ANKRD36: variants seen among roughly 807,000 people sequenced by gnomAD.
ANKRD36 encodes the protein ankyrin repeat domain 36.
A neutral mutation model predicts 278.1 loss-of-function variants in ANKRD36; 179 were observed. The ratio of observed to expected loss-of-function variants is 0.64; its 90% CI spans 0.57 to 0.73. ANKRD36 has a LOEUF of 0.73. ANKRD36 is among the 30% of genes least tolerant of loss of function. The pLI is 0.00. For missense variants in ANKRD36, 1,159 were observed against 1,956.7 expected, an observed-to-expected ratio of 0.59 and a Z score of 7.69; for synonymous variants, 320 against 641.1, an observed-to-expected ratio of 0.50 and a Z score of 7.57.
intron 46 of ANKRD36, 92 bp downstream of exon 46, chr2:97,200,617 A>G (rs1303803227): frequency 1.3e-6 from 2 of 1,511,932 alleles, no homozygotes; most frequent in Non-Finnish European, 1.8e-6. Flanking sequence ...TTGAAGCTGC[A>G]CGTTCTGATT....
In ANKRD36 at chr2:97,179,910, A is replaced by C; in HGVS notation, c.1712A>C (p.Lys571Thr). Residue 571 changes from lysine to threonine, a missense_variant, in exon 24 of 76, where the codon AAG becomes ACG. Lys to Thr is a moderately conservative substitution (Grantham distance 78, BLOSUM62 -1). Transcript: ENST00000420699. ...GTTTCAAATATAGCCACAGAAATAAAGGAGGGACCAATATCTGGGACAGGT... is the reference window on the plus strand; with the variant it reads ...GTTTCAAATATAGCCACAGAAATAACGGAGGGACCAATATCTGGGACAGGT... ...DSVSNIATEI[K>T]EGPISGTVSS... The C allele has an allele frequency of 6.2e-7, 1 of 1,605,952 alleles. No individual in the cohort carries two copies. The highest frequency in any genetic ancestry group is 1.1e-5 in the South Asian group (1 of 90,842).
rs752732322 is a variant in ANKRD36, at chr2:97,200,363, G to T, written c.2784+1G>T. The stretch of plus-strand genomic sequence containing the variant: ...TTCTCGGAAAAAACCATCCTTGGAG[G>T]TAATGAAACTCTCATTCATATTGTG... On this transcript the variant is annotated splice_donor_variant, in intron 45 of 75. Coordinates refer to ENST00000420699, the MANE Select transcript of ANKRD36 (RefSeq NM_001354587.1). LOFTEE classifies it high-confidence loss of function. The T allele has an allele frequency of 1.2e-6, 2 of 1,605,878 alleles. No individual in the cohort carries two copies. Among genetic ancestry groups the T allele is most frequent in the Admixed American group, 3.3e-5 (2 of 59,708 alleles).
intron 66 of ANKRD36, among the ~76,000 whole-genome samples, chr2:97,224,452 GTTTT>G (rs199810806): frequency 2.2e-5 from 3 of 137,978 alleles, no homozygotes; most frequent in African/African-American, 8.3e-5. Context: ...TTGTTTTTTT[GTTTT>G]TTTTTTTTTG....
chr2:97,151,380 C>G (rs555362196), intron 12 of ANKRD36, among the ~76,000 whole-genome samples: 2 of 152,028 alleles, frequency 1.3e-5, no homozygotes, highest in African/African-American at 2.4e-5. Flanking sequence ...GCTTTTGACA[C>G]GCTGAATAGA....
chr2:97,154,413 A>G lies in ANKRD36; in HGVS notation c.1194-262A>G, dbSNP rs535686423. Reference sequence around the variant, plus strand: ...ATTATAATGCCTGTCACTATTTGTTATGGGTTTAAGGGTGAGTCTGCATTG... The same window carrying G: ...ATTATAATGCCTGTCACTATTTGTTGTGGGTTTAAGGGTGAGTCTGCATTG... On this transcript the variant is annotated intron_variant, in intron 14 of 75. Transcript: ENST00000420699. Among the ~76,000 whole-genome samples, 8 of 148,036 alleles carry G rather than the reference A, an allele frequency of 5.4e-5. No individual in the cohort carries two copies. In the South Asian group the frequency reaches 1.5e-3, roughly 27 times the overall value.
At chr2:97,221,740 C>T (rs141178626) in intron 66 of ANKRD36, among the ~76,000 whole-genome samples, 4,001 of 149,718 alleles carry the variant, frequency 0.027, 135 homozygotes, top group African/African-American at 0.094. Context: ...CCTGTTCACT[C>T]GGATGGTAGT....
chr2:97,180,652 G>A (rs1575434022), intron 24 of ANKRD36, among the ~76,000 whole-genome samples: 1 of 151,628 alleles, frequency 6.6e-6, no homozygotes, highest in South Asian at 2.1e-4. Context: ...ATAAAAATGA[G>A]ATAAACTTGC....
chr2:97,158,467 T>C (rs1247705651), intron 16 of ANKRD36, 121 bp from the exon 17 acceptor site: 1 of 975,864 alleles, frequency 1.0e-6, no homozygotes, highest in African/African-American at 1.7e-5. Flanking sequence ...CCTCATATGA[T>C]CTGCCTGCAT....
chr2:97,262,925 C>G (rs1298602720), intron 75 of ANKRD36, among the ~76,000 whole-genome samples: 2 of 144,886 alleles, frequency 1.4e-5, no homozygotes, highest in African/African-American at 4.9e-5. Context: ...GTGAGCCAAA[C>G]AAACCTCTGT....
chr2:97,230,151 G>A (rs542213748), intron 67 of ANKRD36, among the ~76,000 whole-genome samples: 18 of 152,162 alleles, frequency 1.2e-4, no homozygotes, highest in East Asian at 2.0e-4. Flanking sequence ...TCTTTGTGGC[G>A]TTGTCTGTAT....
chr2:97,163,655 G>C (rs201655948), intron 18 of ANKRD36: 13,922 of 69,306 alleles, frequency 0.2, 7 homozygotes, highest in Non-Finnish European at 0.26. Flanking sequence ...GGCTCACTGC[G>C]AACTCCGCCT....
chr2:97,202,275 C>G (rs1360352393), intron 47 of ANKRD36, 45 bp downstream of exon 47: 4 of 1,604,128 alleles, frequency 2.5e-6, no homozygotes, highest in Non-Finnish European at 3.4e-6. Context: ...AATGTATGGT[C>G]TATGAAACAT....
chr2:97,172,504 C>G (rs1227449246), intron 22 of ANKRD36, among the ~76,000 whole-genome samples: 2 of 151,850 alleles, frequency 1.3e-5, no homozygotes, highest in African/African-American at 4.8e-5. Flanking sequence ...ATTGGAAATC[C>G]TAGCAAGCAT....
chr2:97,158,386 C>A (rs1191687160), intron 16 of ANKRD36, among the ~76,000 whole-genome samples: 3 of 152,186 alleles, frequency 2.0e-5, no homozygotes, highest in Admixed American at 1.3e-4. Context: ...CACCACCACA[C>A]CTGGCTATTT....
rs544772111 is a variant in ANKRD36 at position 97,160,447 on chromosome 2, T to C, written c.1390-1652T>C. Among the ~76,000 whole-genome samples the C allele has an allele frequency of 2.6e-3, 402 of 152,248 alleles. 2 individuals are homozygous for C. The highest frequency in any genetic ancestry group is 5.1e-3 in the Non-Finnish European group (347 of 68,010). ...TTAACTTTAGTATTTATAGTTGTTA[T>C]ACCTTGCACATAAATTTATTCAGCT... On this transcript the variant is annotated intron_variant, in intron 17 of 75. Coordinates refer to ENST00000420699, the MANE Select transcript of ANKRD36 (RefSeq NM_001354587.1).
intron 15 of ANKRD36, among the ~76,000 whole-genome samples, chr2:97,157,377 C>T (rs1304490614): frequency 1.5e-4 from 23 of 150,810 alleles, no homozygotes; most frequent in Admixed American, 1.3e-3. Flanking sequence ...GTTTGTTGCT[C>T]CCTCCTTCCC....
In ANKRD36 at chr2:97,165,016, TAA is replaced by T. The variant is rs1386282140; in HGVS notation, c.1531+550_1531+551del. Among the ~76,000 whole-genome samples, 3 of 152,308 alleles carry T rather than the reference TAA, an allele frequency of 2.0e-5. No homozygotes were observed. The East Asian group carries it at 5.8e-4, about 29-fold the overall frequency. On this transcript the variant is annotated intron_variant, in intron 20 of 75. Transcript: ENST00000420699. ...TAACTCTTTGGTAGATACAGTGTTT[TAA>T]AACAATGATTCTGAGCTGTTTTGGC...
chr2:97,235,649 A>C (rs1194736991), intron 68 of ANKRD36, among the ~76,000 whole-genome samples: 1 of 125,796 alleles, frequency 7.9e-6, no homozygotes, highest in Non-Finnish European at 1.5e-5. Flanking sequence ...AAATTATTAA[A>C]AGTATTATTT....
intron 56 of ANKRD36, 83 bp from the exon 57 acceptor site, chr2:97,211,463 G>A: frequency 6.4e-7 from 1 of 1,561,828 alleles, no homozygotes; most frequent in Non-Finnish European, 8.7e-7. Context: ...GGGGGACAGA[G>A]TTTGATGCTA....
Sources: gnomAD v4.1 joint callset for allele counts (sites outside exome capture counted in the v4.1 genomes callset) on GRCh38, gnomAD v4.1.1 for gene constraint, MANE v1.5 for transcripts, NCBI Gene and HGNC (gene_info 2026-07-23, HGNC 2026-07-21) for gene names.